The following RAB10 variants were observed in gnomAD, a reference collection of about 807,000 sequenced individuals.
RAB10 encodes the protein RAB10, member RAS oncogene family, also known as ras-related protein Rab-10.
Under a neutral mutation model 25.7 loss-of-function variants are expected in RAB10, and 5 were observed. That is an observed-to-expected ratio of 0.19 (90% confidence interval 0.10 to 0.41). RAB10 has a LOEUF of 0.41. RAB10 is among the 10% of genes least tolerant of loss of function. The pLI is 1.00. For missense variants in RAB10, 103 were observed against 245.8 expected, an observed-to-expected ratio of 0.42 and a Z score of 3.89; for synonymous variants, 89 against 86.4, an observed-to-expected ratio of 1.03 and a Z score of -0.16.
intron 3 of RAB10, among the ~76,000 whole-genome samples, chr2:26,112,275 T>C (rs1411763344): frequency 6.6e-6 from 1 of 152,116 alleles, no homozygotes; most frequent in Non-Finnish European, 1.5e-5. Flanking sequence ...TCTGTCTCCC[T>C]TCCCCTCCTA....
At chr2:26,056,371 G>A (rs958429148) in intron 1 of RAB10, among the ~76,000 whole-genome samples, 6 of 151,622 alleles carry the variant, frequency 4.0e-5, no homozygotes, top group Non-Finnish European at 5.9e-5. Context: ...GCTAATTTTT[G>A]TATTTTTAGT....
intron 2 of RAB10, among the ~76,000 whole-genome samples, chr2:26,099,211 A>ATGTGTTTT (rs1667289153): frequency 2.0e-5 from 3 of 151,614 alleles, no homozygotes; most frequent in Admixed American, 2.0e-4. Flanking sequence ...TTTTCCAGCA[A>ATGTGTTTT]ATGTGTATTA....
At chr2:26,042,667 C>G (rs1665916380) in intron 1 of RAB10, 1 of 151,570 alleles carries the variant, frequency 6.6e-6, no homozygotes, top group African/African-American at 2.4e-5. Flanking sequence ...CCCAAAAGAC[C>G]ATCCAGAGTG....
chr2:26,050,079 G>A (rs1278518396), intron 1 of RAB10, among the ~76,000 whole-genome samples: 3 of 152,130 alleles, frequency 2.0e-5, no homozygotes, highest in African/African-American at 2.4e-5. Flanking sequence ...TCCTGTATGC[G>A]ATACCCTGTT....
chr2:26,055,391 AT>A (rs536425050), intron 1 of RAB10, among the ~76,000 whole-genome samples: 1,945 of 138,648 alleles, frequency 0.014, 22 homozygotes, highest in African/African-American at 0.03. Flanking sequence ...CACTTGGCTA[AT>A]TTTTTTTTTT....
chr2:26,129,054 C>T (rs1050456691), intron 5 of RAB10, among the ~76,000 whole-genome samples: 2 of 152,050 alleles, frequency 1.3e-5, no homozygotes, highest in Non-Finnish European at 2.9e-5. Flanking sequence ...GGGTGGATCA[C>T]GAGGTCAGGA....
intron 2 of RAB10, among the ~76,000 whole-genome samples, chr2:26,103,132 C>G (rs1411286073): frequency 1.3e-5 from 2 of 152,180 alleles, no homozygotes; most frequent in East Asian, 3.8e-4. Flanking sequence ...GGTCACTAAG[C>G]TGGGAGGGGT....
At chr2:26,125,530 G>C (rs1667887601) in intron 3 of RAB10, among the ~76,000 whole-genome samples, 1 of 149,308 alleles carries the variant, frequency 6.7e-6, no homozygotes, top group Non-Finnish European at 1.5e-5. Flanking sequence ...GCTCACTGCA[G>C]CCTCAACTTC....
chr2:26,062,983 C>G (rs907089676), intron 1 of RAB10, among the ~76,000 whole-genome samples: 1 of 152,028 alleles, frequency 6.6e-6, no homozygotes, highest in Non-Finnish European at 1.5e-5. Context: ...GGCATGGTGG[C>G]AGGCGCCTAT....
intron 1 of RAB10, among the ~76,000 whole-genome samples, chr2:26,041,465 C>T (rs1286006829): frequency 6.7e-6 from 1 of 149,806 alleles, no homozygotes; most frequent in Non-Finnish European, 1.5e-5. Context: ...ATTGCTTAAA[C>T]CCGGGAGGCG....
intron 3 of RAB10, among the ~76,000 whole-genome samples, chr2:26,113,738 A>C (rs2149285154): frequency 9.9e-6 from 1 of 101,432 alleles, no homozygotes; most frequent in African/African-American, 3.8e-5. Flanking sequence ...AGTTCCAGCC[A>C]GAGCTAAAAA....
chr2:26,099,211 A>AATGTGTTGT (rs11281600), intron 2 of RAB10, among the ~76,000 whole-genome samples: 1 of 151,614 alleles, frequency 6.6e-6, no homozygotes, highest in African/African-American at 2.4e-5. Context: ...TTTTCCAGCA[A>AATGTGTTGT]ATGTGTATTA....
At chr2:26,098,789 T>C (rs1667282117) in intron 2 of RAB10, 67 bp downstream of exon 2, 1 of 1,334,566 alleles carries the variant, frequency 7.5e-7, no homozygotes, top group Non-Finnish European at 1.0e-6. Context: ...AGTGAAATTC[T>C]TTTTTGTCAC....
In RAB10 at chr2:26,130,198, G is replaced by A. The variant is rs190326768; in HGVS notation, c.519+2247G>A. ...GAATAGTCTTTCACAATTGAGTTAA[G>A]GTGAAACCCATTAGAATTTCTTGAG... On this transcript the variant is annotated intron_variant, in intron 5 of 5. Transcript: ENST00000264710. Among the ~76,000 whole-genome samples, 11 of 152,132 alleles carry A rather than the reference G, an allele frequency of 7.2e-5. No homozygotes were observed. In the East Asian group the frequency reaches 1.5e-3, roughly 21 times the overall value.
chr2:26,082,744 A>G (rs1666895387), intron 1 of RAB10, among the ~76,000 whole-genome samples: 1 of 152,172 alleles, frequency 6.6e-6, no homozygotes, highest in African/African-American at 2.4e-5. Context: ...ATGCTTTCCA[A>G]GTTGTTTTAT....
chr2:26,124,389 CTTTTTTTTTTTT>C (rs10669615), intron 3 of RAB10, among the ~76,000 whole-genome samples: 5 of 19,676 alleles, frequency 2.5e-4, no homozygotes, highest in South Asian at 2.2e-3. Context: ...GTTGTTGTTG[CTTTTTTTTTTTT>C]TTTTTTTTTT....
intron 1 of RAB10, among the ~76,000 whole-genome samples, chr2:26,069,208 G>A (rs1330665098): frequency 1.3e-5 from 2 of 152,176 alleles, no homozygotes; most frequent in African/African-American, 4.8e-5. Flanking sequence ...GGTCCCATCA[G>A]CATTAGCAGG....
intron 2 of RAB10, among the ~76,000 whole-genome samples, chr2:26,107,217 G>T (rs1437430571): frequency 3.7e-4 from 52 of 139,856 alleles, no homozygotes; most frequent in Non-Finnish European, 5.4e-4. Flanking sequence ...CTACACTCCA[G>T]CCTGGGCAAC....
intron 2 of RAB10, among the ~76,000 whole-genome samples, chr2:26,104,763 A>T (rs1476655759): frequency 4.6e-5 from 6 of 130,276 alleles, no homozygotes; most frequent in Non-Finnish European, 7.9e-5. Context: ...TTTGAGATGG[A>T]GTCTTGCTCT....
Sources: gnomAD v4.1 joint callset for allele counts (sites outside exome capture counted in the v4.1 genomes callset) on GRCh38, gnomAD v4.1.1 for gene constraint, MANE v1.5 for transcripts, NCBI Gene and HGNC (gene_info 2026-07-23, HGNC 2026-07-21) for gene names.